Variants in DNAH11 observed in about 807,000 individuals in gnomAD.
DNAH11 encodes the protein dynein axonemal heavy chain 11, also known as axonemal beta dynein heavy chain 11.
A neutral mutation model predicts 526.0 loss-of-function variants in DNAH11; 442 were observed. The ratio of observed to expected loss-of-function variants is 0.84; its 90% CI spans 0.78 to 0.91. The LOEUF (loss-of-function observed/expected upper bound fraction) is 0.91, where lower values mean the gene tolerates loss of function less well. Ranked by LOEUF, DNAH11 falls within the 40% of genes least tolerant of loss-of-function variation. The probability of loss-of-function intolerance (pLI) is 0.00; values close to 1 mark genes in which losing one functional copy is unlikely to be tolerated. For missense variants in DNAH11, 6,989 were observed against 5,448.7 expected (o/e 1.28, Z -8.90); for synonymous variants, 2,461 against 1,935.9 (o/e 1.27, Z -7.12).
chr7:21,831,530 G>T (rs943678387), intron 65 of DNAH11, among the ~76,000 whole-genome samples: 6 of 152,106 alleles, frequency 3.9e-5, no homozygotes, highest in South Asian at 2.1e-4. Context: ...TAATGTTTCA[G>T]AGCAAGATGT....
Position 21,717,749 on chromosome 7 carries a change from A to G in DNAH11, c.6984-26A>G, listed in dbSNP as rs770619867. 4.3e-6 allele frequency: 7 copies of G among 1,612,816 alleles called. No homozygotes were observed. The Admixed American group carries it at 6.7e-5, about 15-fold the overall frequency. On this transcript the variant is annotated intron_variant, in intron 42 of 81. Coordinates refer to ENST00000409508, the MANE Select transcript of DNAH11 (RefSeq NM_001277115.2). Reference sequence around the variant, plus strand: ...CTGCTTTTCAAGCCTAGTGTTCAATAAAAGCTTTTCTGTGTTCCTTTTCAG... The same window carrying G: ...CTGCTTTTCAAGCCTAGTGTTCAATGAAAGCTTTTCTGTGTTCCTTTTCAG...
intron 62 of DNAH11, among the ~76,000 whole-genome samples, chr7:21,803,442 A>C (rs1315943087): frequency 1.3e-5 from 2 of 152,188 alleles, no homozygotes; most frequent in African/African-American, 4.8e-5. Flanking sequence ...TTCAGATTCA[A>C]AGAGACAGTA....
intron 51 of DNAH11, among the ~76,000 whole-genome samples, chr7:21,747,418 C>T (rs961520308): frequency 2.0e-5 from 3 of 152,128 alleles, no homozygotes; most frequent in Admixed American, 6.5e-5. Context: ...AGTTTAAGTT[C>T]ATTTCAGAAA....
chr7:21,872,004 G>T (rs796353349), intron 73 of DNAH11, among the ~76,000 whole-genome samples: 19 of 151,224 alleles, frequency 1.3e-4, no homozygotes, highest in African/African-American at 4.6e-4. Context: ...GGTGCCTGTA[G>T]TCCCAGCTAC....
chr7:21,589,114 G>A, intron 11 of DNAH11, 94 bp from the exon 12 acceptor site: 2 of 956,452 alleles, frequency 2.1e-6, no homozygotes, highest in Non-Finnish European at 1.5e-6. Context: ...TGTTTATAGT[G>A]TATTATATTT....
rs1247012645 is a variant in DNAH11, at chr7:21,720,718, T to C, written c.7135-7T>C. The C allele has an allele frequency of 6.4e-7, 1 of 1,550,716 alleles. No homozygotes were observed. The highest frequency in any genetic ancestry group is 8.7e-7 in the Non-Finnish European group (1 of 1,148,288). On this transcript the variant is annotated splice_region_variant and splice_polypyrimidine_tract_variant and intron_variant, in intron 43 of 81. Coordinates refer to ENST00000409508, the MANE Select transcript of DNAH11 (RefSeq NM_001277115.2). ...GTTGCCTTATTTGACTATTTCTTTT[T>C]CTTTAGACTCTATGTGTTCTTTTGG...
rs60921312 is a variant in DNAH11 at position 21,811,688 on chromosome 7, A to G, written c.10332+3639A>G. Reference sequence around the variant, plus strand: ...TGTGAATGTACTTAATGCCACTTGAACTGTACACTTAGAATGGTTAAAATG... The same window carrying G: ...TGTGAATGTACTTAATGCCACTTGAGCTGTACACTTAGAATGGTTAAAATG... On this transcript the variant is annotated intron_variant, in intron 63 of 81. Coordinates refer to ENST00000409508, the MANE Select transcript of DNAH11 (RefSeq NM_001277115.2). Among the ~76,000 whole-genome samples, 1,280 of 152,290 alleles carry G rather than the reference A, an allele frequency of 8.4e-3. 21 individuals are homozygous for G. Among genetic ancestry groups the G allele is most frequent in the African/African-American group, 0.029 (1,207 of 41,562 alleles).
chr7:21,658,654 TTA>T (rs1782118915), intron 29 of DNAH11, 142 bp from the exon 30 acceptor site: 3 of 589,474 alleles, frequency 5.1e-6, no homozygotes, highest in Admixed American at 3.3e-5. Flanking sequence ...CCCCTTTGAG[TTA>T]TGCCTCTTGC....
At chr7:21,792,567 C>G (rs912282174) in intron 61 of DNAH11, among the ~76,000 whole-genome samples, 3 of 152,144 alleles carry the variant, frequency 2.0e-5, no homozygotes, top group Admixed American at 6.5e-5. Flanking sequence ...GCTTCAATCT[C>G]ATTACTCATT....
rs1360840874 is a variant in DNAH11 at position 21,868,896 on chromosome 7, A to C, written c.11872A>C (p.Lys3958Gln). 3 of 1,614,014 alleles carry C rather than the reference A, an allele frequency of 1.9e-6. No individual in the cohort carries two copies. In the Admixed American group the frequency reaches 5.0e-5, roughly 27 times the overall value. The change falls in exon 73 of 82, where the codon AAA (lysine) becomes CAA (glutamine). Residue 3958 changes from lysine (K) to glutamine (Q), a missense_variant. Transcript: ENST00000409508. ...ACTTGGCTTTACAATTGACTCTGGAAAATTCCACAATGTGTCTTTAGGACA... is the reference window on the plus strand; with the variant it reads ...ACTTGGCTTTACAATTGACTCTGGACAATTCCACAATGTGTCTTTAGGACA... Reference protein sequence around the residue: ...KRLGFTIDSGKFHNVSLGQGQ... With the variant: ...KRLGFTIDSGQFHNVSLGQGQ...
At chr7:21,627,317 T>C (rs1435645351) in intron 25 of DNAH11, among the ~76,000 whole-genome samples, 1 of 152,128 alleles carries the variant, frequency 6.6e-6, no homozygotes, top group Non-Finnish European at 1.5e-5. Flanking sequence ...TTGCCTGGGG[T>C]TTTGAAGTCT....
At chr7:21,689,447 T>C (rs1015238128) in intron 34 of DNAH11, among the ~76,000 whole-genome samples, 6 of 152,224 alleles carry the variant, frequency 3.9e-5, no homozygotes, top group African/African-American at 1.4e-4. Flanking sequence ...AAATTCTCTG[T>C]ACACATGAAG....
chr7:21,831,165 A>AT (rs1328155757), intron 65 of DNAH11, among the ~76,000 whole-genome samples: 2 of 152,182 alleles, frequency 1.3e-5, no homozygotes, highest in African/African-American at 4.8e-5. Context: ...TCCAAATTTT[A>AT]TGTTGCTCTT....
chr7:21,807,816 C>T, intron 62 of DNAH11, 67 bp from the exon 63 acceptor site: 2 of 1,485,244 alleles, frequency 1.3e-6, no homozygotes, highest in Non-Finnish European at 9.2e-7. Context: ...AAGGTAATTG[C>T]ATTAAGCATT....
At chr7:21,900,502 C>CTGGAAGATGCTACTGCGTAGGG (rs2128052736) in intron 81 of DNAH11, among the ~76,000 whole-genome samples, 1 of 107,776 alleles carries the variant, frequency 9.3e-6, no homozygotes, top group East Asian at 2.2e-4. Flanking sequence ...TTCTCCAAGC[C>CTGGAAGATGCTACTGCGTAGGG]TGGAAGATGC....
intron 57 of DNAH11, among the ~76,000 whole-genome samples, chr7:21,780,040 A>G (rs930565312): frequency 4.0e-5 from 6 of 150,298 alleles, no homozygotes; most frequent in Admixed American, 1.3e-4. Flanking sequence ...TTTTTTTCCA[A>G]TGCATATTGA....
At chr7:21,727,123 C>A (rs188732350) in intron 45 of DNAH11, among the ~76,000 whole-genome samples, 1 of 150,786 alleles carries the variant, frequency 6.6e-6, no homozygotes, top group Non-Finnish European at 1.5e-5. Flanking sequence ...TTAGTAGAGA[C>A]GGGGTTTCAC....
At chr7:21,745,706 A>G (rs968395174) in intron 51 of DNAH11, among the ~76,000 whole-genome samples, 3 of 152,244 alleles carry the variant, frequency 2.0e-5, no homozygotes, top group Non-Finnish European at 4.4e-5. Flanking sequence ...ATGAACAACT[A>G]AACAAGAGAA....
intron 29 of DNAH11, among the ~76,000 whole-genome samples, chr7:21,656,207 G>T (rs1457437951): frequency 3.9e-5 from 6 of 152,162 alleles, no homozygotes; most frequent in Non-Finnish European, 7.3e-5. Flanking sequence ...TCTCAGAGAC[G>T]CTAGGAATTG....
Sources: allele counts gnomAD v4.1 joint callset (sites outside exome capture counted in the v4.1 genomes callset), GRCh38; gene constraint gnomAD v4.1.1; transcripts MANE v1.5; gene names NCBI Gene and HGNC (gene_info 2026-07-23, HGNC 2026-07-21).